The following CNTNAP5 variants were observed in gnomAD, a reference collection of about 807,000 sequenced individuals.
CNTNAP5 encodes the protein contactin-associated protein-like 5.
In CNTNAP5, 72 loss-of-function variants were observed where a neutral mutation model predicts 150.2. The observed-to-expected ratio is 0.48, with a 90% CI of 0.40 to 0.58. The LOEUF (loss-of-function observed/expected upper bound fraction) is 0.58. CNTNAP5 is among the 20% of genes least tolerant of loss of function. CNTNAP5 has a pLI of 0.00. For missense variants in CNTNAP5, 1,636 were observed against 1,626.2 expected, an observed-to-expected ratio of 1.01 and a Z score of -0.10; for synonymous variants, 672 against 619.8, an observed-to-expected ratio of 1.08 and a Z score of -1.25.
chr2:124,709,099 G>A (rs140808467), intron 13 of CNTNAP5, among the ~76,000 whole-genome samples: 82 of 152,064 alleles, frequency 5.4e-4, no homozygotes, highest in African/African-American at 1.9e-3. Context: ...TTCCTGCCTC[G>A]GGCCCATAAA....
At chr2:124,800,269 TC>T (rs1283466987) in intron 19 of CNTNAP5, among the ~76,000 whole-genome samples, 4 of 152,188 alleles carry the variant, frequency 2.6e-5, no homozygotes, top group Non-Finnish European at 4.4e-5. Flanking sequence ...TGGGTATAGT[TC>T]CATAGGCACA....
intron 3 of CNTNAP5, among the ~76,000 whole-genome samples, chr2:124,285,296 A>G (rs1237893028): frequency 6.6e-6 from 1 of 151,734 alleles, no homozygotes; most frequent in Non-Finnish European, 1.5e-5. Context: ...CTCCCTTTCT[A>G]CTCTTGGGAA....
At chr2:124,729,742 A>T (rs1262765496) in intron 13 of CNTNAP5, among the ~76,000 whole-genome samples, 1 of 152,142 alleles carries the variant, frequency 6.6e-6, no homozygotes, top group Non-Finnish European at 1.5e-5. Context: ...AAGATAAAAT[A>T]ACCACACCCT....
At chr2:124,206,907 G>GA (rs1323600300) in intron 1 of CNTNAP5, among the ~76,000 whole-genome samples, 12 of 151,968 alleles carry the variant, frequency 7.9e-5, no homozygotes, top group Admixed American at 3.9e-4. Context: ...GTTGCAGGCA[G>GA]AAAAAAAGCA....
intron 3 of CNTNAP5, among the ~76,000 whole-genome samples, chr2:124,279,560 T>C (rs2104621346): frequency 6.6e-6 from 1 of 151,992 alleles, no homozygotes; most frequent in African/African-American, 2.4e-5. Context: ...AGGACATTTA[T>C]TTCTATTTTC....
intron 11 of CNTNAP5, among the ~76,000 whole-genome samples, chr2:124,567,852 GATAGAT>G (rs768253027): frequency 0.013 from 1,521 of 118,348 alleles, 20 homozygotes; most frequent in African/African-American, 0.042. Flanking sequence ...TAGATAGATA[GATAGAT>G]AGATAGATAG....
intron 17 of CNTNAP5, among the ~76,000 whole-genome samples, chr2:124,786,398 A>AGAAAGAAGGAAGGAAGGAAG (rs1553442119): frequency 1.3e-4 from 6 of 45,220 alleles, no homozygotes; most frequent in East Asian, 6.8e-4. Flanking sequence ...AAAGAAAGAA[A>AGAAAGAAGGAAGGAAGGAAG]GAAGGAAGGA....
intron 2 of CNTNAP5, among the ~76,000 whole-genome samples, chr2:124,223,315 C>T (rs550301131): frequency 6.6e-6 from 1 of 152,084 alleles, no homozygotes; most frequent in Admixed American, 6.6e-5. Context: ...AGTTCAAATG[C>T]GAGCTATGCC....
At chr2:124,701,906 G>T (rs1470381837) in intron 13 of CNTNAP5, among the ~76,000 whole-genome samples, 2 of 151,536 alleles carry the variant, frequency 1.3e-5, no homozygotes, top group Admixed American at 6.6e-5. Flanking sequence ...TGACCTAAGG[G>T]GGATTTTTTG....
intron 3 of CNTNAP5, among the ~76,000 whole-genome samples, chr2:124,248,603 A>G (rs1239530840): frequency 6.6e-6 from 1 of 152,222 alleles, no homozygotes; most frequent in African/African-American, 2.4e-5. Context: ...CATTTAGCCC[A>G]TGAAAGCTCC....
intron 12 of CNTNAP5, among the ~76,000 whole-genome samples, chr2:124,626,353 C>T (rs1243607146): frequency 2.6e-5 from 4 of 152,116 alleles, no homozygotes; most frequent in African/African-American, 9.7e-5. Context: ...TGGGTGATTA[C>T]TGCATTTCCA....
Position 124,227,491 on chromosome 2 carries a change from T to C in CNTNAP5, c.187+5682T>C, listed in dbSNP as rs201057299. On this transcript the variant is annotated intron_variant, in intron 2 of 23. Transcript: ENST00000682447. Reference sequence around the variant, plus strand: ...AAAAGAGTAGGTACTAAGATACACATGCATTATTTTAATTCCCAGGGAATA... The same window carrying C: ...AAAAGAGTAGGTACTAAGATACACACGCATTATTTTAATTCCCAGGGAATA... 6.6e-5 allele frequency among the ~76,000 whole-genome samples: 10 copies of C among 152,242 alleles called. No individual in the cohort carries two copies. In the East Asian group the frequency reaches 1.9e-3, roughly 29 times the overall value.
chr2:124,797,062 T>G (rs888481079), intron 18 of CNTNAP5, among the ~76,000 whole-genome samples: 2 of 152,232 alleles, frequency 1.3e-5, no homozygotes, highest in African/African-American at 4.8e-5. Flanking sequence ...AAACTGTACT[T>G]GGCAACTCTC....
intron 3 of CNTNAP5, among the ~76,000 whole-genome samples, chr2:124,280,982 C>T (rs1271232685): frequency 6.6e-6 from 1 of 152,066 alleles, no homozygotes; most frequent in African/African-American, 2.4e-5. Flanking sequence ...TCTACTGCCA[C>T]TCTAGAACAA....
chr2:124,229,850 A>G (rs1686569353), intron 2 of CNTNAP5, among the ~76,000 whole-genome samples: 1 of 151,734 alleles, frequency 6.6e-6, no homozygotes, highest in African/African-American at 2.4e-5. Flanking sequence ...AGAAATAGAC[A>G]TCTTTGGCCC....
rs1678764692 is a variant in CNTNAP5, at chr2:124,916,188, T to A, written c.*1900T>A. 6.6e-6 allele frequency among the ~76,000 whole-genome samples: 1 copy of A among 151,638 alleles called. No individual in the cohort carries two copies. The highest frequency in any genetic ancestry group is 1.5e-5 in the Non-Finnish European group (1 of 67,998). On this transcript the variant is annotated 3_prime_UTR_variant, in exon 24 of 24. Transcript: ENST00000682447. ...TCTCTCCTCGAAATTTTCTGTGGAT[T>A]TGAGCTCAATCGCTTTATCATCTAC...
chr2:124,821,548 C>T (rs913301202), intron 19 of CNTNAP5, among the ~76,000 whole-genome samples: 5 of 152,212 alleles, frequency 3.3e-5, no homozygotes, highest in East Asian at 1.9e-4. Context: ...TGAAAACCAC[C>T]GCTTTAAGGT....
intron 3 of CNTNAP5, among the ~76,000 whole-genome samples, chr2:124,318,066 G>A (rs1296361336): frequency 3.9e-5 from 6 of 152,192 alleles, no homozygotes; most frequent in Non-Finnish European, 8.8e-5. Flanking sequence ...GCAAGACTGG[G>A]ACGATGAGCT....
At chr2:124,493,008 A>G (rs1360761522) in intron 7 of CNTNAP5, among the ~76,000 whole-genome samples, 1 of 152,076 alleles carries the variant, frequency 6.6e-6, no homozygotes, top group Non-Finnish European at 1.5e-5. Flanking sequence ...TACCCTGTTG[A>G]ATAGAGGCAG....
Sources: gnomAD v4.1 joint callset for allele counts (sites outside exome capture counted in the v4.1 genomes callset) on GRCh38, gnomAD v4.1.1 for gene constraint, MANE v1.5 for transcripts, NCBI Gene and HGNC (gene_info 2026-07-23, HGNC 2026-07-21) for gene names.